Variants in GPRC6A observed in about 807,000 individuals in gnomAD.
The protein encoded by GPRC6A is G protein-coupled receptor family C group 6 member A.
Under a neutral mutation model 47.0 loss-of-function variants are expected in GPRC6A, and 54 were observed. That is an observed-to-expected ratio of 1.15 (90% confidence interval 0.92 to 1.44). GPRC6A has a LOEUF of 1.44. Ranked by LOEUF, GPRC6A falls within the 40% of genes most tolerant of loss-of-function variation. The pLI, the probability that GPRC6A is intolerant of heterozygous loss-of-function variation, is 0.00. For missense variants in GPRC6A, 1,112 were observed against 1,105.5 expected, an observed-to-expected ratio of 1.01 and a Z score of -0.08; for synonymous variants, 347 against 377.1, an observed-to-expected ratio of 0.92 and a Z score of 0.93.
At chr6:116,821,635 G>C (rs1370775937) in intron 1 of GPRC6A, among the ~76,000 whole-genome samples, 1 of 152,036 alleles carries the variant, frequency 6.6e-6, no homozygotes, top group Non-Finnish European at 1.5e-5. Flanking sequence ...AATAAATGGT[G>C]CTGGGAAAAC....
intron 1 of GPRC6A, among the ~76,000 whole-genome samples, chr6:116,816,994 A>G (rs1310104725): frequency 3.9e-5 from 6 of 152,384 alleles, no homozygotes; most frequent in Admixed American, 1.3e-4. Context: ...TCGCTTAGGT[A>G]AACAAAGCAG....
At chr6:116,796,085 T>C (rs1302194820) in intron 4 of GPRC6A, among the ~76,000 whole-genome samples, 3 of 152,042 alleles carry the variant, frequency 2.0e-5, no homozygotes, top group Non-Finnish European at 4.4e-5. Context: ...ATTAGCCCTT[T>C]CAGAAAGTCC....
chr6:116,819,621 T>G (rs370154943), intron 1 of GPRC6A, among the ~76,000 whole-genome samples: 1 of 152,032 alleles, frequency 6.6e-6, no homozygotes, highest in Non-Finnish European at 1.5e-5. Flanking sequence ...GGGTACATAA[T>G]GAAATGAAGG....
chr6:116,827,376 A>G (rs1374441914), intron 1 of GPRC6A, among the ~76,000 whole-genome samples: 1 of 152,008 alleles, frequency 6.6e-6, no homozygotes, highest in Non-Finnish European at 1.5e-5. Flanking sequence ...GAAAAAGGTA[A>G]ACGAATAGGT....
intron 1 of GPRC6A, among the ~76,000 whole-genome samples, chr6:116,813,731 T>C (rs1171288851): frequency 1.3e-5 from 2 of 152,096 alleles, no homozygotes; most frequent in South Asian, 2.1e-4. Flanking sequence ...CCAAAAGCAA[T>C]GGCAACAAAA....
At chr6:116,809,735 A>G in intron 1 of GPRC6A, 118 bp from the exon 2 acceptor site, 1 of 629,350 alleles carries the variant, frequency 1.6e-6, no homozygotes, top group Non-Finnish European at 2.7e-6. Context: ...CTTATCTCTT[A>G]AATGATCTAA....
intron 1 of GPRC6A, among the ~76,000 whole-genome samples, chr6:116,828,527 G>C (rs1019838325): frequency 3.9e-5 from 6 of 151,978 alleles, no homozygotes; most frequent in African/African-American, 1.4e-4. Flanking sequence ...TGAAAAATAG[G>C]CCACAATGTC....
Position 116,806,788 on chromosome 6 carries a change from G to T in GPRC6A, c.917C>A (p.Ser306Ter). The change falls in exon 3 of 6, where the codon TCA becomes TAA. Residue 306 changes from serine to a stop codon, truncating the protein, a stop_gained. Transcript: ENST00000310357. LOFTEE classifies it high-confidence loss of function. ...NKMWIASDNW[S>*]TATKITTIPN... ...AATGGTGGTAATCTTGGTGGCAGTT[G>T]ACCAATTATCACTAGCAATCCACAT... The T allele has an allele frequency of 6.2e-7, 1 of 1,613,530 alleles. No homozygotes were observed. Among genetic ancestry groups the T allele is most frequent in the South Asian group, 1.1e-5 (1 of 91,014 alleles).
intron 1 of GPRC6A, 22 bp downstream of exon 1, chr6:116,828,798 G>A (rs777898792): frequency 2.9e-5 from 46 of 1,588,878 alleles, no homozygotes; most frequent in Admixed American, 1.9e-4. Context: ...AAATCTAAAC[G>A]TGTTTTTTGA....
At chr6:116,817,166 C>T (rs1322191611) in intron 1 of GPRC6A, among the ~76,000 whole-genome samples, 1 of 151,694 alleles carries the variant, frequency 6.6e-6, no homozygotes. Flanking sequence ...AGCAGTGGTT[C>T]TCCCAGCACG....
chr6:116,806,402 A>G lies in GPRC6A; in HGVS notation c.1303T>C (p.Cys435Arg). 1 of 1,612,348 alleles carries G rather than the reference A, an allele frequency of 6.2e-7. No homozygotes were observed. The highest frequency in any genetic ancestry group is 8.5e-7 in the Non-Finnish European group (1 of 1,178,790). The change falls in exon 3 of 6, where the codon TGT (cysteine) becomes CGT (arginine). Residue 435 changes from cysteine (C) to arginine (R), a missense_variant. By Grantham distance (180) the Cys-to-Arg change is radical. Coordinates refer to ENST00000310357, the MANE Select transcript of GPRC6A (RefSeq NM_148963.4). ...GGTTGAAAGGCGTTGGGGTTCTGAC[A>G]GTCACGAGCTTGACACAGATCCCGA... ...AIRDLCQARD[C>R]QNPNAFQPWE...
At chr6:116,820,138 C>G (rs1242032051) in intron 1 of GPRC6A, among the ~76,000 whole-genome samples, 4 of 150,788 alleles carry the variant, frequency 2.7e-5, no homozygotes, top group African/African-American at 9.8e-5. Context: ...GACACATACA[C>G]TCTCCCAAGA....
At chr6:116,828,090 A>G (rs1773728172) in intron 1 of GPRC6A, among the ~76,000 whole-genome samples, 1 of 152,102 alleles carries the variant, frequency 6.6e-6, no homozygotes, top group Non-Finnish European at 1.5e-5. Flanking sequence ...AAATATACAC[A>G]ACAGTGAAAT....
intron 1 of GPRC6A, among the ~76,000 whole-genome samples, chr6:116,826,138 A>T (rs1327032447): frequency 1.3e-5 from 2 of 151,952 alleles, no homozygotes; most frequent in Non-Finnish European, 2.9e-5. Flanking sequence ...CTAGGCAAAG[A>T]TTTTGCGGGT....
At chr6:116,798,426 T>A (rs1296619142) in intron 4 of GPRC6A, among the ~76,000 whole-genome samples, 1 of 152,008 alleles carries the variant, frequency 6.6e-6, no homozygotes, top group East Asian at 1.9e-4. Flanking sequence ...GCAGGAGGGC[T>A]GTAGAGTAAG....
chr6:116,811,943 T>A (rs1036181368), intron 1 of GPRC6A, among the ~76,000 whole-genome samples: 1 of 152,044 alleles, frequency 6.6e-6, no homozygotes, highest in South Asian at 2.1e-4. Flanking sequence ...GATATTGAAA[T>A]AGTTAAACAT....
At chr6:116,821,691 C>T (rs1036147252) in intron 1 of GPRC6A, among the ~76,000 whole-genome samples, 3 of 152,008 alleles carry the variant, frequency 2.0e-5, no homozygotes, top group Non-Finnish European at 2.9e-5. Context: ...CTTCCTTACA[C>T]CTTAGACAAA....
At chr6:116,798,432 G>A (rs1772554927) in intron 4 of GPRC6A, among the ~76,000 whole-genome samples, 1 of 152,150 alleles carries the variant, frequency 6.6e-6, no homozygotes, top group Non-Finnish European at 1.5e-5. Context: ...GGGCTGTAGA[G>A]TAAGGGGAGG....
chr6:116,811,991 G>A (rs1453404870), intron 1 of GPRC6A, among the ~76,000 whole-genome samples: 1 of 152,058 alleles, frequency 6.6e-6, no homozygotes, highest in African/African-American at 2.4e-5. Context: ...TCCACATCCA[G>A]CAAGAGGTTT....
Sources: allele counts gnomAD v4.1 joint callset (sites outside exome capture counted in the v4.1 genomes callset), GRCh38; gene constraint gnomAD v4.1.1; transcripts MANE v1.5; gene names NCBI Gene and HGNC (gene_info 2026-07-23, HGNC 2026-07-21).